Variants in SEC24D observed in about 807,000 individuals in gnomAD.
SEC24D encodes SEC24 homolog D, COPII component, also known as protein transport protein Sec24D.
In SEC24D, 69 loss-of-function variants were observed where a neutral mutation model predicts 116.9. That is an observed-to-expected ratio of 0.59 (90% confidence interval 0.49 to 0.72). SEC24D has a LOEUF of 0.72. SEC24D is among the 30% of genes least tolerant of loss of function. The pLI is 0.00. For synonymous variants in SEC24D, 405 were observed against 442.8 expected (o/e 0.91, Z 1.07); for missense variants, 1,131 against 1,264.1 (o/e 0.89, Z 1.60).
At chr4:118,742,435 T>G (rs1373753494) in intron 15 of SEC24D, among the ~76,000 whole-genome samples, 1 of 152,170 alleles carries the variant, frequency 6.6e-6, no homozygotes, top group African/African-American at 2.4e-5. Flanking sequence ...TAAAATTGAT[T>G]AGCATGGTAG....
At chr4:118,782,016 C>T (rs887361971) in intron 8 of SEC24D, among the ~76,000 whole-genome samples, 16 of 152,140 alleles carry the variant, frequency 1.1e-4, no homozygotes, top group African/African-American at 2.9e-4. Context: ...AGCTTCCTTG[C>T]GATGGGTTTG....
At chr4:118,779,503 G>A (rs938152286) in intron 8 of SEC24D, among the ~76,000 whole-genome samples, 14 of 152,178 alleles carry the variant, frequency 9.2e-5, no homozygotes, top group Non-Finnish European at 1.9e-4. Flanking sequence ...GATTCGGTTT[G>A]CCAGTATTTT....
At chr4:118,810,074 CTGTGTGTGTGTGTGTGTGTGTG>C (rs71595321) in intron 6 of SEC24D, among the ~76,000 whole-genome samples, 15 of 38,618 alleles carry the variant, frequency 3.9e-4, no homozygotes, top group African/African-American at 9.1e-4. Context: ...TCAGAGGTAG[CTGTGTGTGTGTGTGTGTGTGTG>C]TGTGTGTGTG....
chr4:118,723,434 C>G lies in SEC24D; in HGVS notation c.*81G>C. 1 of 1,385,642 alleles carries G rather than the reference C, an allele frequency of 7.2e-7. No homozygotes were observed. Among genetic ancestry groups the G allele is most frequent in the South Asian group, 1.3e-5 (1 of 74,706 alleles). The allele number at this position is 1,385,642 out of a possible 1,614,324, so 85.8% of individuals were successfully genotyped here. On this transcript the variant is annotated 3_prime_UTR_variant, in exon 23 of 23. Coordinates refer to ENST00000280551, the MANE Select transcript of SEC24D (RefSeq NM_014822.4). The stretch of plus-strand genomic sequence containing the variant: ...AAAATGAGCAAGAAATCAAAACTAG[C>G]CTATTATCATCTAGAAAATTAGGCA...
At chr4:118,743,915 T>C (rs1726359385) in intron 15 of SEC24D, 73 bp downstream of exon 15, 2 of 1,369,926 alleles carry the variant, frequency 1.5e-6, no homozygotes, top group Non-Finnish European at 2.0e-6. Context: ...ACACAGCTTT[T>C]TAAACCTATA....
intron 6 of SEC24D, among the ~76,000 whole-genome samples, chr4:118,808,869 A>C (rs1729782329): frequency 6.6e-6 from 1 of 152,264 alleles, no homozygotes; most frequent in Non-Finnish European, 1.5e-5. Context: ...TAAATGAACA[A>C]GGATAAGGGA....
intron 18 of SEC24D, among the ~76,000 whole-genome samples, chr4:118,738,842 A>T (rs759344004): frequency 6.6e-6 from 1 of 152,170 alleles, no homozygotes; most frequent in Non-Finnish European, 1.5e-5. Context: ...CCATTAACCC[A>T]ATGTGTCAGA....
At chr4:118,804,986 T>G (rs1560729031) in intron 7 of SEC24D, among the ~76,000 whole-genome samples, 1 of 151,852 alleles carries the variant, frequency 6.6e-6, no homozygotes, top group Non-Finnish European at 1.5e-5. Flanking sequence ...AGAGCCGGTC[T>G]TAGTCTCCAC....
chr4:118,729,120 T>C (rs1236621535), intron 21 of SEC24D: 1 of 152,092 alleles, frequency 6.6e-6, no homozygotes, highest in African/African-American at 2.4e-5. Flanking sequence ...AAGTAATCTT[T>C]TTTTTTTTTT....
intron 8 of SEC24D, among the ~76,000 whole-genome samples, chr4:118,790,385 G>A (rs1419168690): frequency 6.6e-6 from 1 of 152,106 alleles, no homozygotes; most frequent in Non-Finnish European, 1.5e-5. Flanking sequence ...AGAAAAAAAT[G>A]CAAAATTAAA....
At chr4:118,733,749 C>T (rs555957741) in intron 19 of SEC24D, among the ~76,000 whole-genome samples, 1 of 152,258 alleles carries the variant, frequency 6.6e-6, no homozygotes, top group South Asian at 2.1e-4. Flanking sequence ...CACGTTCTTC[C>T]TCCCATGTTT....
At chr4:118,729,032 G>GT (rs11408345) in intron 21 of SEC24D, 35,070 of 161,600 alleles carry the variant, frequency 0.22, 4,973 homozygotes, top group East Asian at 0.41. Flanking sequence ...TGGATTTTGG[G>GT]TTTTTTTTGT....
At chr4:118,804,963 AC>A (rs1351841163) in intron 7 of SEC24D, among the ~76,000 whole-genome samples, 3 of 150,820 alleles carry the variant, frequency 2.0e-5, no homozygotes, top group African/African-American at 7.3e-5. Context: ...TCTAATTCTT[AC>A]ACTGGCTCTG....
chr4:118,768,473 C>A (rs1273223504), intron 8 of SEC24D, among the ~76,000 whole-genome samples, 162 bp from the exon 9 acceptor site: 1 of 149,130 alleles, frequency 6.7e-6, no homozygotes, highest in Non-Finnish European at 1.5e-5. Context: ...TTGCCCACTG[C>A]AACCTCCACC....
At chr4:118,814,088 T>C (rs1182173817) in intron 6 of SEC24D, among the ~76,000 whole-genome samples, 1 of 152,246 alleles carries the variant, frequency 6.6e-6, no homozygotes, top group Admixed American at 6.5e-5. Context: ...CTTATGTTTA[T>C]CGAACCTATT....
chr4:118,735,479 GT>G (rs1185233140), intron 19 of SEC24D, among the ~76,000 whole-genome samples: 1 of 151,882 alleles, frequency 6.6e-6, no homozygotes, highest in Non-Finnish European at 1.5e-5. Context: ...CCTTCTTTAG[GT>G]TTTAAAGTGA....
At chr4:118,769,576 G>A (rs969985479) in intron 8 of SEC24D, among the ~76,000 whole-genome samples, 31 of 152,234 alleles carry the variant, frequency 2.0e-4, no homozygotes, top group Non-Finnish European at 3.2e-4. Context: ...TTAGAAAACC[G>A]AGATCCCCCA....
chr4:118,779,700 C>T (rs1728309343), intron 8 of SEC24D, among the ~76,000 whole-genome samples: 1 of 152,148 alleles, frequency 6.6e-6, no homozygotes, highest in African/African-American at 2.4e-5. Context: ...CTTTGTACCT[C>T]TGGTAGAATT....
intron 8 of SEC24D, among the ~76,000 whole-genome samples, chr4:118,776,665 T>C (rs928808674): frequency 2.6e-5 from 4 of 152,162 alleles, no homozygotes; most frequent in African/African-American, 7.2e-5. Flanking sequence ...TTGAGTAAGA[T>C]ATTATCTCTC....
Sources: gnomAD v4.1 joint callset for allele counts (sites outside exome capture counted in the v4.1 genomes callset) on GRCh38, gnomAD v4.1.1 for gene constraint, MANE v1.5 for transcripts, NCBI Gene and HGNC (gene_info 2026-07-23, HGNC 2026-07-21) for gene names.